The following SSBP2 variants were observed in gnomAD, a reference collection of about 807,000 sequenced individuals.
SSBP2 encodes single-stranded DNA-binding protein 2.
SSBP2 carries 17 observed loss-of-function variants against 61.8 expected under a neutral mutation model. The ratio of observed to expected loss-of-function variants is 0.28; its 90% CI spans 0.19 to 0.41. SSBP2 has a LOEUF of 0.41. SSBP2 is among the 10% of genes least tolerant of loss of function. The probability of loss-of-function intolerance (pLI) is 1.00; values close to 1 mark genes in which losing one functional copy is unlikely to be tolerated. For missense variants in SSBP2, 310 were observed against 458.7 expected (o/e 0.68, Z 2.96); for synonymous variants, 139 against 141.3 (o/e 0.98, Z 0.12).
At chr5:81,599,238 A>T (rs1396435044) in intron 4 of SSBP2, among the ~76,000 whole-genome samples, 1 of 152,242 alleles carries the variant, frequency 6.6e-6, no homozygotes, top group African/African-American at 2.4e-5. Flanking sequence ...TTAACCAATC[A>T]GAATACTCAC....
intron 2 of SSBP2, among the ~76,000 whole-genome samples, chr5:81,638,665 C>T (rs1267077614): frequency 1.3e-5 from 2 of 151,956 alleles, no homozygotes; most frequent in Non-Finnish European, 2.9e-5. Context: ...CACAAAATTC[C>T]AGTGATATTC....
At chr5:81,685,365 T>C (rs1484894018) in intron 1 of SSBP2, among the ~76,000 whole-genome samples, 2 of 152,166 alleles carry the variant, frequency 1.3e-5, no homozygotes, top group East Asian at 1.9e-4. Flanking sequence ...ATTTGAACTA[T>C]ATATGATAAT....
intron 1 of SSBP2, among the ~76,000 whole-genome samples, chr5:81,651,618 G>C (rs1217483363): frequency 1.3e-5 from 2 of 152,092 alleles, no homozygotes; most frequent in Non-Finnish European, 2.9e-5. Flanking sequence ...CTACATCAGT[G>C]CTTCTCAACT....
chr5:81,750,667 A>C, intron 1 of SSBP2: 1 of 294,810 alleles, frequency 3.4e-6, no homozygotes. Context: ...GTTACTTTGG[A>C]AGGTGAACCC....
chr5:81,640,356 A>G (rs557631836), intron 2 of SSBP2, among the ~76,000 whole-genome samples: 100 of 152,120 alleles, frequency 6.6e-4, no homozygotes, highest in Non-Finnish European at 9.1e-4. Context: ...AATAATATTG[A>G]TAATAATAAT....
chr5:81,453,303 T>TC (rs749226670), intron 10 of SSBP2, among the ~76,000 whole-genome samples: 2 of 150,722 alleles, frequency 1.3e-5, no homozygotes, highest in Non-Finnish European at 3.0e-5. Flanking sequence ...TGAGACCCTG[T>TC]CCCCCCACCC....
chr5:81,493,983 C>T (rs937491820), intron 5 of SSBP2, among the ~76,000 whole-genome samples: 1 of 152,052 alleles, frequency 6.6e-6, no homozygotes. Flanking sequence ...AATGACTACC[C>T]GCTGATTAGG....
chr5:81,681,610 A>C (rs74823417), intron 1 of SSBP2, among the ~76,000 whole-genome samples: 1,844 of 152,094 alleles, frequency 0.012, 32 homozygotes, highest in Non-Finnish European at 0.015. Context: ...GCATTAAATA[A>C]ATATATTAGA....
chr5:81,691,563 T>TAA (rs554939365), intron 1 of SSBP2, among the ~76,000 whole-genome samples: 2 of 142,470 alleles, frequency 1.4e-5, no homozygotes, highest in African/African-American at 5.1e-5. Context: ...AATGCTGTAA[T>TAA]AAAAAAAAAA....
At chr5:81,679,928 G>C (rs1184409730) in intron 1 of SSBP2, among the ~76,000 whole-genome samples, 1 of 150,762 alleles carries the variant, frequency 6.6e-6, no homozygotes, top group Non-Finnish European at 1.5e-5. Flanking sequence ...ATCCAATCTG[G>C]TGAAGGCCTC....
intron 1 of SSBP2, among the ~76,000 whole-genome samples, chr5:81,665,820 A>G (rs1187598458): frequency 6.6e-6 from 1 of 152,138 alleles, no homozygotes; most frequent in African/African-American, 2.4e-5. Flanking sequence ...GTCATTTTAG[A>G]TCTAGAAAAG....
At chr5:81,600,644 A>G (rs1744273012) in intron 4 of SSBP2, among the ~76,000 whole-genome samples, 1 of 151,950 alleles carries the variant, frequency 6.6e-6, no homozygotes, top group African/African-American at 2.4e-5. Context: ...GTTGTGATAA[A>G]TAATTCAGAA....
At chr5:81,505,847 C>T (rs905462660) in intron 5 of SSBP2, among the ~76,000 whole-genome samples, 5 of 152,068 alleles carry the variant, frequency 3.3e-5, no homozygotes, top group Middle Eastern at 3.2e-3. Flanking sequence ...CTCCTAAATA[C>T]GCAGTTTGGC....
chr5:81,647,232 C>T (rs1581244988), intron 2 of SSBP2, among the ~76,000 whole-genome samples: 1 of 152,128 alleles, frequency 6.6e-6, no homozygotes, highest in South Asian at 2.1e-4. Flanking sequence ...CCTTTAATGT[C>T]CCCACTCCCA....
intron 4 of SSBP2, among the ~76,000 whole-genome samples, chr5:81,533,700 TAC>T (rs1474141483): frequency 2.0e-5 from 3 of 152,008 alleles, no homozygotes; most frequent in Non-Finnish European, 4.4e-5. Flanking sequence ...AACAGGTAGA[TAC>T]AGACAGGCAA....
chr5:81,554,559 G>A (rs2153383775), intron 4 of SSBP2, among the ~76,000 whole-genome samples: 1 of 151,588 alleles, frequency 6.6e-6, no homozygotes, highest in East Asian at 1.9e-4. Flanking sequence ...ATTCTCTATT[G>A]AATTAATTTG....
intron 1 of SSBP2, among the ~76,000 whole-genome samples, chr5:81,693,621 C>T (rs1753381971): frequency 6.6e-6 from 1 of 152,162 alleles, no homozygotes; most frequent in Non-Finnish European, 1.5e-5. Context: ...AACAAAAGTT[C>T]AATGAGTTAT....
chr5:81,737,520 C>T (rs1366928291), intron 1 of SSBP2, among the ~76,000 whole-genome samples: 1 of 152,006 alleles, frequency 6.6e-6, no homozygotes, highest in Non-Finnish European at 1.5e-5. Context: ...CGGTGGCTCA[C>T]ACCTGTAATC....
At chr5:81,542,634 G>C (rs1235252561) in intron 4 of SSBP2, among the ~76,000 whole-genome samples, 1 of 80,002 alleles carries the variant, frequency 1.2e-5, no homozygotes, top group East Asian at 2.1e-4. Context: ...CAAAGTCATG[G>C]TGATATGGTT....
Sources: allele counts gnomAD v4.1 joint callset (sites outside exome capture counted in the v4.1 genomes callset), GRCh38; gene constraint gnomAD v4.1.1; transcripts MANE v1.5; gene names NCBI Gene and HGNC (gene_info 2026-07-23, HGNC 2026-07-21).